Variants in LUZP2 observed in about 807,000 individuals in gnomAD.
LUZP2 encodes the protein leucine zipper protein 2.
LUZP2 carries 52 observed loss-of-function variants against 51.6 expected under a neutral mutation model. That is an observed-to-expected ratio of 1.01 (90% CI 0.81 to 1.27). The LOEUF (loss-of-function observed/expected upper bound fraction) is 1.27, where lower values mean the gene tolerates loss of function less well. Ranked by LOEUF, LUZP2 falls within the 50% of genes most tolerant of loss-of-function variation. The pLI, the probability that LUZP2 is intolerant of heterozygous loss-of-function variation, is 0.00. For synonymous variants in LUZP2, 154 were observed against 137.3 expected, an observed-to-expected ratio of 1.12 and a Z score of -0.85; for missense variants, 436 against 395.4, an observed-to-expected ratio of 1.10 and a Z score of -0.87.
At chr11:24,561,828 A>AATAATAATAATAATAATG (rs148194595) in intron 1 of LUZP2, among the ~76,000 whole-genome samples, 87 of 151,160 alleles carry the variant, frequency 5.8e-4, no homozygotes, top group South Asian at 3.6e-3. Flanking sequence ...TAATAATAAT[A>AATAATAATAATAATAATG]ATGATAATAA....
chr11:24,572,433 T>A (rs1852474858), intron 1 of LUZP2, among the ~76,000 whole-genome samples: 1 of 152,016 alleles, frequency 6.6e-6, no homozygotes, highest in Non-Finnish European at 1.5e-5. Flanking sequence ...AAAGACTCAT[T>A]AGAGTTTGTT....
intron 7 of LUZP2, among the ~76,000 whole-genome samples, chr11:24,937,849 C>G (rs1049751943): frequency 6.7e-6 from 1 of 149,898 alleles, no homozygotes; most frequent in Non-Finnish European, 1.5e-5. Flanking sequence ...GGCAGTGAGC[C>G]GAGATCGTGC....
intron 1 of LUZP2, among the ~76,000 whole-genome samples, chr11:24,574,255 T>TCTTTCTTG (rs1372499522): frequency 1.5e-4 from 4 of 26,612 alleles, no homozygotes; most frequent in African/African-American, 3.4e-4. Flanking sequence ...TTTCTTTCTT[T>TCTTTCTTG]CTTTCTTGCT....
chr11:24,954,016 T>C (rs533090033), intron 7 of LUZP2, among the ~76,000 whole-genome samples: 1 of 152,140 alleles, frequency 6.6e-6, no homozygotes, highest in African/African-American at 2.4e-5. Context: ...AATCATCTTT[T>C]TTTTTTTCTT....
intron 9 of LUZP2, among the ~76,000 whole-genome samples, chr11:25,007,319 T>A (rs1053555316): frequency 1.3e-5 from 2 of 152,164 alleles, no homozygotes; most frequent in African/African-American, 4.8e-5. Flanking sequence ...AACTATTAAA[T>A]TTGCCAGATT....
At position 24,896,165 on chromosome 11, in the gene LUZP2, G is replaced by A. The variant is rs573651097; in HGVS notation, c.397-9826G>A. ...CCTGGCTGGCCTTCGGTTCCTCCTCGTCCTAGGCTTCCTCTCTGACCACGC... is the reference window on the plus strand; with the variant it reads ...CCTGGCTGGCCTTCGGTTCCTCCTCATCCTAGGCTTCCTCTCTGACCACGC... On this transcript the variant is annotated intron_variant, in intron 5 of 11. Coordinates refer to ENST00000336930, the MANE Select transcript of LUZP2 (RefSeq NM_001009909.4). Among the ~76,000 whole-genome samples the A allele has an allele frequency of 4.6e-5, 7 of 152,216 alleles. No individual in the cohort carries two copies. The East Asian group carries it at 1.2e-3, about 25-fold the overall frequency.
intron 7 of LUZP2, among the ~76,000 whole-genome samples, chr11:24,927,919 C>T (rs1230158956): frequency 6.6e-6 from 1 of 151,778 alleles, no homozygotes; most frequent in African/African-American, 2.4e-5. Flanking sequence ...TCTTTCAGCA[C>T]TGCTTTGTAG....
At chr11:24,588,738 A>C (rs1264715201) in intron 1 of LUZP2, among the ~76,000 whole-genome samples, 2 of 152,070 alleles carry the variant, frequency 1.3e-5, no homozygotes, top group African/African-American at 4.8e-5. Flanking sequence ...CCTCCTTAAT[A>C]ACAATTTTAC....
chr11:24,826,404 C>T (rs1226535339), intron 5 of LUZP2, among the ~76,000 whole-genome samples: 3 of 151,520 alleles, frequency 2.0e-5, no homozygotes, highest in African/African-American at 7.3e-5. Context: ...GGAGATTACA[C>T]TACTCCTATT....
At chr11:24,540,556 C>T (rs574530873) in intron 1 of LUZP2, among the ~76,000 whole-genome samples, 9 of 152,248 alleles carry the variant, frequency 5.9e-5, no homozygotes, top group African/African-American at 1.9e-4. Context: ...TCCTGGACCA[C>T]CCAGCATCCA....
chr11:24,793,717 C>A (rs771619080), intron 5 of LUZP2, among the ~76,000 whole-genome samples: 1 of 152,092 alleles, frequency 6.6e-6, no homozygotes, highest in Non-Finnish European at 1.5e-5. Flanking sequence ...CAGTCAATGT[C>A]TTTGTCTGTA....
intron 1 of LUZP2, among the ~76,000 whole-genome samples, chr11:24,680,763 A>T (rs1368795747): frequency 6.6e-6 from 1 of 152,174 alleles, no homozygotes; most frequent in Non-Finnish European, 1.5e-5. Context: ...ATATTATTAT[A>T]TTCATTTTAT....
chr11:24,894,175 ATTT>A (rs35929813), intron 5 of LUZP2, among the ~76,000 whole-genome samples: 2 of 134,846 alleles, frequency 1.5e-5, no homozygotes, highest in African/African-American at 2.7e-5. Flanking sequence ...AAAGTAATTC[ATTT>A]TTTTTTTTTT....
chr11:25,064,724 T>G (rs1858949389), intron 10 of LUZP2, among the ~76,000 whole-genome samples: 1 of 151,954 alleles, frequency 6.6e-6, no homozygotes, highest in Non-Finnish European at 1.5e-5. Context: ...GTCTCTCAAT[T>G]TAAGACATGT....
intron 9 of LUZP2, among the ~76,000 whole-genome samples, chr11:24,998,197 A>T (rs935368870): frequency 1.3e-5 from 2 of 152,242 alleles, no homozygotes; most frequent in East Asian, 3.9e-4. Context: ...TTGAATCTGT[A>T]AATTACCTTG....
At chr11:24,901,776 A>G (rs1287065491) in intron 5 of LUZP2, among the ~76,000 whole-genome samples, 1 of 152,110 alleles carries the variant, frequency 6.6e-6, no homozygotes, top group African/African-American at 2.4e-5. Context: ...GTAGTTTTCT[A>G]TCCATTGACC....
chr11:24,591,966 G>C (rs10767217), intron 1 of LUZP2, among the ~76,000 whole-genome samples: 149,850 of 152,328 alleles, frequency 0.98, 73,744 homozygotes, highest in East Asian at 1. Flanking sequence ...CCATCTCAGC[G>C]AAGGATGACT....
chr11:24,932,425 G>A (rs1590747046), intron 7 of LUZP2, among the ~76,000 whole-genome samples: 1 of 152,080 alleles, frequency 6.6e-6, no homozygotes, highest in Non-Finnish European at 1.5e-5. Flanking sequence ...TCAGGTCGGG[G>A]GCAGGTTTAG....
intron 1 of LUZP2, among the ~76,000 whole-genome samples, chr11:24,619,736 A>G (rs1377681001): frequency 2.0e-5 from 3 of 152,194 alleles, no homozygotes; most frequent in Non-Finnish European, 2.9e-5. Flanking sequence ...TATACTTTAA[A>G]TCATCCCTAG....
Sources: gnomAD v4.1 joint callset for allele counts (sites outside exome capture counted in the v4.1 genomes callset) on GRCh38, gnomAD v4.1.1 for gene constraint, MANE v1.5 for transcripts, NCBI Gene and HGNC (gene_info 2026-07-23, HGNC 2026-07-21) for gene names.